The following OXR1 variants were observed in gnomAD, a reference collection of about 807,000 sequenced individuals.
The protein encoded by OXR1 is oxidation resistance protein 1.
OXR1 carries 41 observed loss-of-function variants against 104.6 expected under a neutral mutation model. The ratio of observed to expected loss-of-function variants is 0.39; its 90% CI spans 0.31 to 0.51. OXR1 has a LOEUF of 0.51. Ranked by LOEUF, OXR1 falls within the 20% of genes least tolerant of loss-of-function variation. The pLI, the probability that OXR1 is intolerant of heterozygous loss-of-function variation, is 0.77. For synonymous variants in OXR1, 348 were observed against 348.4 expected (o/e 1.00, Z 0.01); for missense variants, 955 against 1,031.9 (o/e 0.93, Z 1.02).
intron 2 of OXR1, among the ~76,000 whole-genome samples, chr8:106,479,669 A>G (rs1821999762): frequency 2.0e-5 from 3 of 152,050 alleles, no homozygotes; most frequent in Admixed American, 2.0e-4. Context: ...GAGACAGACA[A>G]TTAATTGACA....
chr8:106,496,410 G>C (rs1038467508), intron 2 of OXR1, among the ~76,000 whole-genome samples: 4 of 152,144 alleles, frequency 2.6e-5, no homozygotes, highest in African/African-American at 9.7e-5. Flanking sequence ...TCAAATCTCA[G>C]TAGTGTAAAA....
intron 1 of OXR1, among the ~76,000 whole-genome samples, chr8:106,339,538 A>T (rs1407915316): frequency 3.4e-5 from 4 of 118,182 alleles, no homozygotes; most frequent in Non-Finnish European, 5.1e-5. Context: ...ATATATATAT[A>T]TATATATATA....
intron 3 of OXR1, among the ~76,000 whole-genome samples, chr8:106,540,715 C>G (rs1389300561): frequency 6.6e-6 from 1 of 152,148 alleles, no homozygotes; most frequent in African/African-American, 2.4e-5. Flanking sequence ...GCTGGGGAAG[C>G]CTCACAATCA....
chr8:106,745,533 A>G (rs1835315365), intron 15 of OXR1, among the ~76,000 whole-genome samples: 1 of 152,192 alleles, frequency 6.6e-6, no homozygotes, highest in Non-Finnish European at 1.5e-5. Flanking sequence ...GTCAGGAGAA[A>G]GAAGTATGTG....
At chr8:106,657,914 C>T in intron 3 of OXR1, 2 of 1,246,996 alleles carry the variant, frequency 1.6e-6, no homozygotes, top group East Asian at 6.3e-5. Context: ...CCGGTGGGCG[C>T]GCTAGTGGTG....
intron 3 of OXR1, among the ~76,000 whole-genome samples, chr8:106,577,509 C>T (rs969559033): frequency 6.6e-6 from 1 of 150,856 alleles, no homozygotes; most frequent in Non-Finnish European, 1.5e-5. Flanking sequence ...CCTGCCTCAA[C>T]CTCCCGAGTA....
At chr8:106,363,956 GA>G (rs1319818601) in intron 2 of OXR1, among the ~76,000 whole-genome samples, 3 of 151,532 alleles carry the variant, frequency 2.0e-5, no homozygotes, top group Non-Finnish European at 4.4e-5. Context: ...TTCAGTTTTA[GA>G]AAAGGGTCCA....
chr8:106,426,727 C>T (rs1375550811), intron 2 of OXR1, among the ~76,000 whole-genome samples: 1 of 152,032 alleles, frequency 6.6e-6, no homozygotes, highest in Non-Finnish European at 1.5e-5. Context: ...GATGATAGTA[C>T]CTATCTCACA....
At chr8:106,631,031 C>T (rs1261452226) in intron 3 of OXR1, among the ~76,000 whole-genome samples, 1 of 152,118 alleles carries the variant, frequency 6.6e-6, no homozygotes, top group Admixed American at 6.5e-5. Flanking sequence ...ATTGACTAAA[C>T]ATGTCAAATA....
intron 2 of OXR1, among the ~76,000 whole-genome samples, chr8:106,460,147 C>T (rs575830170): frequency 2.6e-5 from 4 of 152,156 alleles, no homozygotes; most frequent in Admixed American, 6.6e-5. Flanking sequence ...TTGCTACTCA[C>T]GTTAAATTTA....
chr8:106,381,837 C>T (rs571111565), intron 2 of OXR1, among the ~76,000 whole-genome samples: 48 of 152,206 alleles, frequency 3.2e-4, no homozygotes, highest in African/African-American at 1.1e-3. Flanking sequence ...TCCTGATATC[C>T]CTTATAATTC....
At chr8:106,518,344 G>C (rs1222332770) in intron 2 of OXR1, among the ~76,000 whole-genome samples, 2 of 152,180 alleles carry the variant, frequency 1.3e-5, no homozygotes, top group African/African-American at 4.8e-5. Flanking sequence ...TATGCCAAAG[G>C]AAATATGCAT....
chr8:106,406,118 C>A (rs1337568906), intron 2 of OXR1, among the ~76,000 whole-genome samples: 1 of 152,094 alleles, frequency 6.6e-6, no homozygotes, highest in Non-Finnish European at 1.5e-5. Context: ...GTATCTTACC[C>A]CGACCTAATC....
chr8:106,329,795 C>A (rs770105070), intron 1 of OXR1, among the ~76,000 whole-genome samples: 2 of 151,966 alleles, frequency 1.3e-5, no homozygotes, highest in African/African-American at 4.8e-5. Context: ...TGTCAGTGAG[C>A]GGGTTGCATG....
intron 1 of OXR1, among the ~76,000 whole-genome samples, chr8:106,286,460 A>G (rs544235122): frequency 6.8e-6 from 1 of 147,476 alleles, no homozygotes; most frequent in South Asian, 2.1e-4. Flanking sequence ...AGGAAGGGAG[A>G]GGTCTGAAGA....
intron 2 of OXR1, among the ~76,000 whole-genome samples, chr8:106,371,031 CT>C (rs35729471): frequency 0.056 from 7,910 of 141,602 alleles, 281 homozygotes; most frequent in African/African-American, 0.1. Flanking sequence ...TGGTCCTGGG[CT>C]TTTTTTTTTT....
At chr8:106,349,817 C>A (rs1466045900) in intron 1 of OXR1, among the ~76,000 whole-genome samples, 1 of 152,102 alleles carries the variant, frequency 6.6e-6, no homozygotes, top group Non-Finnish European at 1.5e-5. Flanking sequence ...ATCCTATGAG[C>A]TATAGAGGCA....
intron 1 of OXR1, among the ~76,000 whole-genome samples, chr8:106,313,676 A>G (rs1813805713): frequency 6.6e-6 from 1 of 152,146 alleles, no homozygotes; most frequent in African/African-American, 2.4e-5. Flanking sequence ...GTCCAGCCAT[A>G]TCATAGCCTA....
intron 2 of OXR1, among the ~76,000 whole-genome samples, chr8:106,453,424 A>G (rs1381579009): frequency 2.0e-5 from 3 of 152,204 alleles, no homozygotes; most frequent in Non-Finnish European, 4.4e-5. Context: ...GGCAGTTGAA[A>G]TTGTCTGCTG....
Sources: allele counts gnomAD v4.1 joint callset (sites outside exome capture counted in the v4.1 genomes callset), GRCh38; gene constraint gnomAD v4.1.1; transcripts MANE v1.5; gene names NCBI Gene and HGNC (gene_info 2026-07-23, HGNC 2026-07-21).